The following TMEM59 variants were observed in gnomAD, a reference collection of about 807,000 sequenced individuals.
The protein encoded by TMEM59 is transmembrane protein 59.
TMEM59 carries 44 observed loss-of-function variants against 42.2 expected under a neutral mutation model. The ratio of observed to expected loss-of-function variants is 1.04; its 90% CI spans 0.82 to 1.34. The LOEUF (loss-of-function observed/expected upper bound fraction) is 1.34. Ranked by LOEUF, TMEM59 falls within the 40% of genes most tolerant of loss-of-function variation. The pLI is 0.00. For synonymous variants in TMEM59, 148 were observed against 145.8 expected, an observed-to-expected ratio of 1.02 and a Z score of -0.11; for missense variants, 359 against 382.8, an observed-to-expected ratio of 0.94 and a Z score of 0.52.
At chr1:54,041,668 T>C in intron 5 of TMEM59, 56 bp downstream of exon 5, 2 of 1,431,402 alleles carry the variant, frequency 1.4e-6, no homozygotes, top group Admixed American at 1.7e-5. Flanking sequence ...CCAACTCTAC[T>C]ACAACCAGAT....
intron 5 of TMEM59, among the ~76,000 whole-genome samples, 193 bp from the exon 6 acceptor site, chr1:54,041,030 CTGTTT>C (rs1657120686): frequency 6.6e-6 from 1 of 152,256 alleles, no homozygotes; most frequent in South Asian, 2.1e-4. Flanking sequence ...TATGAGTTTC[CTGTTT>C]TATTTTCAAA....
chr1:54,031,913 C>T lies in TMEM59; in HGVS notation c.*237G>A. 2.8e-6 allele frequency: 1 copy of T among 352,214 alleles called. No individual in the cohort carries two copies. The highest frequency in any genetic ancestry group is 7.9e-4 in the Middle Eastern group (1 of 1,266). The allele number at this position is 352,214 out of a possible 1,614,324, so 21.8% of individuals were successfully genotyped here. A position where few individuals can be genotyped will look rare whatever the true frequency, so the allele number is the denominator to read the frequency against. On this transcript the variant is annotated 3_prime_UTR_variant, in exon 8 of 8. Coordinates refer to ENST00000234831, the MANE Select transcript of TMEM59 (RefSeq NM_004872.5). ...AAAAAACAATAACCAAAGCAAAAAA[C>T]AAAATAGCTACAGATATTAGTAAAA...
rs1254499867 is a variant in TMEM59, at chr1:54,040,826, T to C, written c.637A>G (p.Arg213Gly). The change falls in exon 6 of 8, where the codon AGA becomes GGA. Residue 213 changes from arginine (R) to glycine (G), a missense_variant. Coordinates refer to ENST00000234831, the MANE Select transcript of TMEM59 (RefSeq NM_004872.5). The part of the protein sequence containing the change: ...SLSKMSYLQM[R>G]NSQAHRNFLE... ...AAATTCCTGTGCGCTTGTGAATTTC[T>C]CATTTGCAGATCTGCTGAAATAGTA... is the stretch of plus-strand genomic sequence containing the variant. The C allele has an allele frequency of 6.2e-7, 1 of 1,613,742 alleles. No homozygotes were observed. Among genetic ancestry groups the C allele is most frequent in the Non-Finnish European group, 8.5e-7 (1 of 1,179,790 alleles).
chr1:54,045,334 T>C (rs971402184), intron 3 of TMEM59, among the ~76,000 whole-genome samples: 8 of 152,216 alleles, frequency 5.3e-5, no homozygotes, highest in Non-Finnish European at 8.8e-5. Flanking sequence ...AGACAAGAAA[T>C]GATTATCTGA....
intron 1 of TMEM59, among the ~76,000 whole-genome samples, chr1:54,050,751 A>G (rs1657507193): frequency 6.7e-6 from 1 of 149,570 alleles, no homozygotes; most frequent in Non-Finnish European, 1.5e-5. Flanking sequence ...TAGTAGAGAC[A>G]GGGTTTCACC....
intron 7 of TMEM59, among the ~76,000 whole-genome samples, chr1:54,035,680 C>G (rs565981555): frequency 8.5e-5 from 13 of 152,186 alleles, no homozygotes; most frequent in African/African-American, 3.1e-4. Flanking sequence ...TGGCACAATC[C>G]TGGCTCACTG....
intron 7 of TMEM59, chr1:54,033,130 C>CT (rs929905487): frequency 9.4e-4 from 128 of 136,606 alleles, no homozygotes; most frequent in African/African-American, 1.7e-3. Flanking sequence ...TTTTTTCTTT[C>CT]TTTTTTTTTT....
In TMEM59 at chr1:54,052,982, G is replaced by C; in HGVS notation, c.189+18C>G. The C allele has an allele frequency of 1.3e-6, 2 of 1,598,416 alleles. No homozygotes were observed. Among genetic ancestry groups the C allele is most frequent in the South Asian group, 1.1e-5 (1 of 90,026 alleles). Reference sequence around the variant, plus strand: ...GGCTGCAAGGGAAGGGTCGCAGCCCGCTCCGGACGGGCCCTACCTTAGGGT... The same window carrying C: ...GGCTGCAAGGGAAGGGTCGCAGCCCCCTCCGGACGGGCCCTACCTTAGGGT... On this transcript the variant is annotated intron_variant, in intron 1 of 7. Coordinates refer to ENST00000234831, the MANE Select transcript of TMEM59 (RefSeq NM_004872.5).
chr1:54,036,222 A>G (rs1656944793), intron 7 of TMEM59, among the ~76,000 whole-genome samples: 1 of 152,064 alleles, frequency 6.6e-6, no homozygotes, highest in African/African-American at 2.4e-5. Context: ...CAGAGGTTGC[A>G]GTGAGCCAAG....
In TMEM59 at chr1:54,031,246, C is replaced by G. The variant is rs976556667; in HGVS notation, c.*904G>C. On this transcript the variant is annotated 3_prime_UTR_variant, in exon 8 of 8. Transcript: ENST00000234831. ...AGCCTCAGCAACAAGAGCAAAATTC[C>G]ATCTCAAAAGATTCTGGTGTATTAT... 3.3e-5 allele frequency: 5 copies of G among 152,114 alleles called. No homozygotes were observed. Among genetic ancestry groups the G allele is most frequent in the African/African-American group, 9.7e-5 (4 of 41,422 alleles). 9.4% of individuals were successfully genotyped at this position (152,114 alleles called of 1,614,324 possible).
At chr1:54,047,642 TG>T (rs949653739) in intron 1 of TMEM59, 34 of 368,420 alleles carry the variant, frequency 9.2e-5, no homozygotes, top group East Asian at 1.4e-4. Flanking sequence ...TTACAATCTG[TG>T]GGGGGGAAAA....
intron 1 of TMEM59, 79 bp from the exon 2 acceptor site, chr1:54,047,451 G>T: frequency 8.7e-7 from 1 of 1,154,480 alleles, no homozygotes. Flanking sequence ...TAGGAAGAAA[G>T]CAGTTAGTAA....
At chr1:54,041,870 T>A in intron 4 of TMEM59, 65 bp from the exon 5 acceptor site, 1 of 1,268,036 alleles carries the variant, frequency 7.9e-7, no homozygotes, top group Non-Finnish European at 1.1e-6. Context: ...TAACAAGTTC[T>A]AAAACAAATC....
chr1:54,050,003 T>C (rs1657473466), intron 1 of TMEM59, among the ~76,000 whole-genome samples: 1 of 152,198 alleles, frequency 6.6e-6, no homozygotes, highest in Non-Finnish European at 1.5e-5. Flanking sequence ...TCGACCGAGA[T>C]AAATTATGCA....
Position 54,053,126 on chromosome 1 carries a change from C to A in TMEM59, c.63G>T (p.Leu21=). ...AACCTCCGGCCAAGGCCATGGTCAG[C>A]AGCAGCAGCGGCGGGAGCCCCAGTT... ...RTQLGLPPLL[L]LTMALAGGSG... The change falls in exon 1 of 8, where the codon CTG becomes CTT. Residue 21 remains leucine, a synonymous_variant. Coordinates refer to ENST00000234831, the MANE Select transcript of TMEM59 (RefSeq NM_004872.5). The A allele has an allele frequency of 6.2e-7, 1 of 1,614,256 alleles. No individual in the cohort carries two copies. Among genetic ancestry groups the A allele is most frequent in the Admixed American group, 1.7e-5 (1 of 60,030 alleles).
chr1:54,040,361 C>G (rs886243426), intron 6 of TMEM59, among the ~76,000 whole-genome samples: 11 of 152,120 alleles, frequency 7.2e-5, no homozygotes, highest in African/African-American at 2.4e-4. Context: ...CCATGTTGGC[C>G]AGGCTGGTCT....
At position 54,043,366 on chromosome 1, in the gene TMEM59, T is replaced by C. The variant is rs1239166903; in HGVS notation, c.543+7A>G. 2.2e-5 allele frequency: 33 copies of C among 1,530,370 alleles called. No homozygotes were observed. Among genetic ancestry groups the C allele is most frequent in the Admixed American group, 4.3e-5 (2 of 46,700 alleles). The allele number at this position is 1,530,370 out of a possible 1,614,324, so 94.8% of individuals were successfully genotyped here. A position where few individuals can be genotyped will look rare whatever the true frequency, so the allele number is the denominator to read the frequency against. ...ATTTAGATGAATCCATGAAGCTCAG[T>C]TGTCACCTGGAATATAACTATTTTT... On this transcript the variant is annotated splice_region_variant and intron_variant, in intron 4 of 7. Transcript: ENST00000234831.
Position 54,045,680 on chromosome 1 carries a change from AT to A in TMEM59, c.390+11del. 6.2e-7 allele frequency: 1 copy of A among 1,613,812 alleles called. No homozygotes were observed. The highest frequency in any genetic ancestry group is 1.3e-5 in the African/African-American group (1 of 75,036). On this transcript the variant is annotated intron_variant, in intron 3 of 7. Coordinates refer to ENST00000234831, the MANE Select transcript of TMEM59 (RefSeq NM_004872.5). ...TAAGCAGGCTAGTTTGAAAGGCAGT[AT>A]TGTTTCGTACTTGTTCTTGTCTCAG...
chr1:54,053,258 G>C, upstream of TMEM59: 1 of 1,559,256 alleles, frequency 6.4e-7, no homozygotes, highest in Non-Finnish European at 8.7e-7. Context: ...CTCCTCCTGG[G>C]GCCAGCCCCC....
Sources: gnomAD v4.1 joint callset for allele counts (sites outside exome capture counted in the v4.1 genomes callset) on GRCh38, gnomAD v4.1.1 for gene constraint, MANE v1.5 for transcripts, NCBI Gene and HGNC (gene_info 2026-07-23, HGNC 2026-07-21) for gene names.